Variants in PTPRU observed in about 807,000 individuals in gnomAD.
The protein encoded by PTPRU is protein tyrosine phosphatase receptor type U.
PTPRU carries 69 observed loss-of-function variants against 166.3 expected under a neutral mutation model. The observed-to-expected ratio is 0.41, with a 90% CI of 0.34 to 0.51. PTPRU has a LOEUF of 0.51. Among genes scored for constraint, PTPRU ranks in the 20% least tolerant of loss-of-function variants. The pLI is 0.09. For synonymous variants in PTPRU, 793 were observed against 814.0 expected, an observed-to-expected ratio of 0.97 and a Z score of 0.44; for missense variants, 1,657 against 2,013.7, an observed-to-expected ratio of 0.82 and a Z score of 3.39.
rs747179367 is a variant in PTPRU at position 29,259,249 on chromosome 1, C to T, written c.478-12C>T. 6.2e-6 allele frequency: 10 copies of T among 1,610,020 alleles called. No individual in the cohort carries two copies. The highest frequency in any genetic ancestry group is 1.7e-4 in the Middle Eastern group (1 of 6,016). On this transcript the variant is annotated splice_polypyrimidine_tract_variant and intron_variant, in intron 3 of 29. Coordinates refer to ENST00000373779, the MANE Select transcript of PTPRU (RefSeq NM_133178.4). Reference sequence around the variant, plus strand: ...AATATCAGTATGATAGGGGCCCTCCCGCCTCCCCCAGGTGCTGTTTGAGGC... The same window carrying T: ...AATATCAGTATGATAGGGGCCCTCCTGCCTCCCCCAGGTGCTGTTTGAGGC...
chr1:29,298,248 G>A (rs1490086209), intron 15 of PTPRU, among the ~76,000 whole-genome samples: 1 of 144,652 alleles, frequency 6.9e-6, no homozygotes, highest in Admixed American at 7.1e-5. Flanking sequence ...GGCAGACAGA[G>A]CAAGACTCTG....
chr1:29,303,781 G>A, intron 15 of PTPRU, 74 bp from the exon 16 acceptor site: 1 of 1,433,474 alleles, frequency 7.0e-7, no homozygotes, highest in East Asian at 2.3e-5. Flanking sequence ...CACCCCCATA[G>A]ACCCCAGTCT....
intron 25 of PTPRU, among the ~76,000 whole-genome samples, chr1:29,318,952 G>A (rs1444680846): frequency 2.0e-5 from 3 of 152,204 alleles, no homozygotes; most frequent in African/African-American, 2.4e-5. Flanking sequence ...GGCTTTTTGC[G>A]GCCTGATGCC....
At chr1:29,269,166 C>G (rs1050702842) in intron 7 of PTPRU, among the ~76,000 whole-genome samples, 5 of 145,104 alleles carry the variant, frequency 3.4e-5, no homozygotes. Flanking sequence ...GCTTCAGCCT[C>G]CTAAGCAGCT....
intron 14 of PTPRU, chr1:29,289,652 A>G: frequency 6.2e-7 from 1 of 1,613,892 alleles, no homozygotes; most frequent in Non-Finnish European, 8.5e-7. Context: ...CTCGGACACA[A>G]CTGTGCTGTT....
intron 18 of PTPRU, among the ~76,000 whole-genome samples, chr1:29,310,503 C>A (rs1264689794): frequency 6.6e-6 from 1 of 152,134 alleles, no homozygotes; most frequent in Non-Finnish European, 1.5e-5. Flanking sequence ...CATGTCCTCC[C>A]TGGGGTTGCA....
intron 7 of PTPRU, among the ~76,000 whole-genome samples, chr1:29,267,508 C>T (rs1478826338): frequency 6.6e-6 from 1 of 152,140 alleles, no homozygotes; most frequent in East Asian, 1.9e-4. Flanking sequence ...AGGGACTGAG[C>T]CGTGCAGAGA....
At chr1:29,283,849 A>G in intron 12 of PTPRU, 91 bp from the exon 13 acceptor site, 1 of 1,479,154 alleles carries the variant, frequency 6.8e-7, no homozygotes, top group Admixed American at 1.7e-5. Context: ...AAAGCCCTGA[A>G]CAGGCCCAAG....
intron 1 of PTPRU, among the ~76,000 whole-genome samples, chr1:29,248,510 G>T (rs1384167985): frequency 6.6e-6 from 1 of 152,172 alleles, no homozygotes; most frequent in African/African-American, 2.4e-5. Context: ...TGTGCAACCT[G>T]TTGGGAAAAG....
rs892972371 is a variant in PTPRU, at chr1:29,305,514, T to C, written c.2820+86T>C. ...CAGGCAGGGCAGAAACCTGTCGGGA[T>C]AAATGGGGGTTCAAATGGCTGAGTT... On this transcript the variant is annotated intron_variant, in intron 18 of 29. Coordinates refer to ENST00000373779, the MANE Select transcript of PTPRU (RefSeq NM_133178.4). 1.1e-5 allele frequency: 15 copies of C among 1,357,296 alleles called. No homozygotes were observed. In the African/African-American group the frequency reaches 2.1e-4, roughly 19 times the overall value. 84.1% of individuals were successfully genotyped at this position (1,357,296 alleles called of 1,614,324 possible).
At chr1:29,308,811 C>T (rs889758354) in intron 18 of PTPRU, among the ~76,000 whole-genome samples, 1 of 151,938 alleles carries the variant, frequency 6.6e-6, no homozygotes, top group Non-Finnish European at 1.5e-5. Flanking sequence ...ATTGCTTGAG[C>T]CCAGGAGTTA....
Position 29,325,583 on chromosome 1 carries a change from C to G in PTPRU, c.4249-16C>G, listed in dbSNP as rs1417576575. 5 of 1,604,322 alleles carry G rather than the reference C, an allele frequency of 3.1e-6. No homozygotes were observed. The highest frequency in any genetic ancestry group is 4.3e-6 in the Non-Finnish European group (5 of 1,171,076). On this transcript the variant is annotated splice_polypyrimidine_tract_variant and intron_variant, in intron 29 of 29. Coordinates refer to ENST00000373779, the MANE Select transcript of PTPRU (RefSeq NM_133178.4). ...GGGTCAGGCTCATGATTCCCTCCCT[C>G]TCTTCCTCTCCCCAGGATCAGTACC...
At chr1:29,275,821 C>G (rs1685780404) in intron 8 of PTPRU, 65 bp downstream of exon 8, 2 of 1,514,104 alleles carry the variant, frequency 1.3e-6, no homozygotes, top group Admixed American at 2.0e-5. Context: ...ATGTCTGAGA[C>G]TGAAATTTAC....
chr1:29,259,678 C>T, intron 5 of PTPRU, 114 bp downstream of exon 5: 1 of 1,251,000 alleles, frequency 8.0e-7, no homozygotes. Context: ...CAGCACTGCG[C>T]ACAGCGTCCC....
In PTPRU at chr1:29,317,784, G is replaced by A. The variant is rs1388565873; in HGVS notation, c.3550G>A (p.Glu1184Lys). 1.9e-6 allele frequency: 3 copies of A among 1,612,374 alleles called. No individual in the cohort carries two copies. ...NSVTPPLDVE[E>K]CSIALLPRNR... ...GGTCACCCCGCCGCTGGACGTGGAGGAGTGCAGCATCGCCCTGTTGCCCCG... is the reference window on the plus strand; with the variant it reads ...GGTCACCCCGCCGCTGGACGTGGAGAAGTGCAGCATCGCCCTGTTGCCCCG... Residue 1184 changes from glutamate (E) to lysine (K), a missense_variant, in exon 25 of 30, where the codon GAG becomes AAG. Transcript: ENST00000373779. The surrounding 1 kb of genome is among the most constrained non-coding windows in gnomAD (Gnocchi z 5.6).
chr1:29,255,349 C>T lies in PTPRU; in HGVS notation c.148C>T (p.Gln50Ter), dbSNP rs1418548789. ...CAGCCAGGCCCAGTACGATGACTTCCAGTGGGAGCAAGTGCGAATCCACCC... is the reference window on the plus strand; with the variant it reads ...CAGCCAGGCCCAGTACGATGACTTCTAGTGGGAGCAAGTGCGAATCCACCC... ...EYSQAQYDDF[Q>*]WEQVRIHPGT... Residue 50 changes from glutamine to a stop codon, truncating the protein, a stop_gained, in exon 2 of 30, where the codon CAG becomes TAG. Transcript: ENST00000373779. LOFTEE classifies it high-confidence loss of function. 6.2e-7 allele frequency: 1 copy of T among 1,614,078 alleles called. No individual in the cohort carries two copies. The highest frequency in any genetic ancestry group is 8.5e-7 in the Non-Finnish European group (1 of 1,180,022).
intron 12 of PTPRU, chr1:29,283,722 C>T (rs1290733636): frequency 3.5e-6 from 2 of 572,694 alleles, no homozygotes; most frequent in Non-Finnish European, 6.2e-6. Flanking sequence ...CTTTTGCCTC[C>T]GATCTCATCC....
At chr1:29,323,170 G>A (rs1688239015) in intron 26 of PTPRU, 4 of 622,646 alleles carry the variant, frequency 6.4e-6, no homozygotes, top group South Asian at 5.8e-5. Context: ...AGTGCAGAAC[G>A]CATTGGGGCA....
rs1684844664 is a variant in PTPRU at position 29,257,956 on chromosome 1, A to G, written c.206-549A>G. 8.6e-6 allele frequency among the ~76,000 whole-genome samples: 1 copy of G among 115,752 alleles called. No homozygotes were observed. Among genetic ancestry groups the G allele is most frequent in the Admixed American group, 9.9e-5 (1 of 10,080 alleles). The allele number at this position is 115,752 out of a possible 152,430, so 75.9% of individuals were successfully genotyped here. On this transcript the variant is annotated intron_variant, in intron 2 of 29. Coordinates refer to ENST00000373779, the MANE Select transcript of PTPRU (RefSeq NM_133178.4). The surrounding 1 kb of genome is among the most constrained non-coding windows in gnomAD (Gnocchi z 4.6). ...TGGGCATTGTGACCTGTAGATTGTA[A>G]GGAGCCATAATTTTTTTTTTCTTTT...
Sources: allele counts gnomAD v4.1 joint callset (sites outside exome capture counted in the v4.1 genomes callset), GRCh38; gene constraint gnomAD v4.1.1; non-coding constraint Gnocchi (gnomAD v3.1); transcripts MANE v1.5; gene names NCBI Gene and HGNC (gene_info 2026-07-23, HGNC 2026-07-21).